BCR: variants seen among roughly 807,000 people sequenced by gnomAD.
BCR encodes the protein breakpoint cluster region protein.
BCR carries 58 observed loss-of-function variants against 138.6 expected under a neutral mutation model. The ratio of observed to expected loss-of-function variants is 0.42; its 90% CI spans 0.34 to 0.52. The LOEUF (loss-of-function observed/expected upper bound fraction) is 0.52. BCR is among the 20% of genes least tolerant of loss of function. The pLI, the probability that BCR is intolerant of heterozygous loss-of-function variation, is 0.06. For missense variants in BCR, 1,599 were observed against 1,727.2 expected, an observed-to-expected ratio of 0.93 and a Z score of 1.32; for synonymous variants, 786 against 730.1, an observed-to-expected ratio of 1.08 and a Z score of -1.23.
intron 2 of BCR, chr22:23,260,749 C>G: frequency 1.8e-6 from 1 of 559,508 alleles, no homozygotes; most frequent in South Asian, 1.9e-5. Flanking sequence ...TGACCCCCCT[C>G]CCCGGGATTC....
chr22:23,221,065 C>T (rs1265141207), intron 1 of BCR, among the ~76,000 whole-genome samples: 2 of 152,184 alleles, frequency 1.3e-5, no homozygotes, highest in Non-Finnish European at 2.9e-5. Context: ...CTCACAGTAC[C>T]TTCTGATTAC....
At chr22:23,263,385 A>G in intron 4 of BCR, 1 of 1,254,690 alleles carries the variant, frequency 8.0e-7, no homozygotes, top group East Asian at 2.3e-5. Context: ...GCTCGGCACC[A>G]ACCTGATGAC....
At chr22:23,266,153 T>C (rs1372462019) in intron 4 of BCR, among the ~76,000 whole-genome samples, 1 of 152,184 alleles carries the variant, frequency 6.6e-6, no homozygotes, top group Non-Finnish European at 1.5e-5. Flanking sequence ...GGTGCAGTCT[T>C]GTCTCACTGC....
intron 1 of BCR, among the ~76,000 whole-genome samples, chr22:23,210,176 G>C (rs1437233146): frequency 3.3e-5 from 5 of 152,094 alleles, no homozygotes; most frequent in Non-Finnish European, 4.4e-5. Context: ...GTATTACCGG[G>C]AGGCTGAGGC....
chr22:23,315,351 G>A lies in BCR; in HGVS notation c.3727-82G>A, dbSNP rs555364844. On this transcript the variant is annotated intron_variant, in intron 22 of 22. Coordinates refer to ENST00000305877, the MANE Select transcript of BCR (RefSeq NM_004327.4). ...CCCCAGCACCTGAGATGGACTTGGA[G>A]GCTTGGGCCCCAAAGACCTCCCACC... 2.3e-4 allele frequency: 298 copies of A among 1,310,642 alleles called. 1 individual carries two copies. Among genetic ancestry groups the A allele is most frequent in the Admixed American group, 1.6e-3 (91 of 58,590 alleles). The allele number at this position is 1,310,642 out of a possible 1,614,324, so 81.2% of individuals were successfully genotyped here.
At chr22:23,248,724 TGGTTCCTGGTTCAGGTGAGCA>T (rs2073185723) in intron 1 of BCR, among the ~76,000 whole-genome samples, 2 of 152,172 alleles carry the variant, frequency 1.3e-5, no homozygotes. Context: ...ACTCCTAGTC[TGGTTCCTGGTTCAGGTGAGCA>T]GCAGCCAGAT....
chr22:23,258,377 G>A (rs570204461), intron 2 of BCR, among the ~76,000 whole-genome samples: 6 of 152,316 alleles, frequency 3.9e-5, no homozygotes, highest in Admixed American at 3.3e-4. Context: ...GCTCAGGGCC[G>A]GAGGGCATTT....
At chr22:23,224,657 G>A (rs1471288285) in intron 1 of BCR, among the ~76,000 whole-genome samples, 5 of 152,244 alleles carry the variant, frequency 3.3e-5, no homozygotes, top group Non-Finnish European at 7.4e-5. Context: ...CAAGGTGGGC[G>A]GATCACTTGA....
intron 8 of BCR, among the ~76,000 whole-genome samples, chr22:23,281,432 A>C (rs2073643615): frequency 6.6e-6 from 1 of 152,224 alleles, no homozygotes; most frequent in Non-Finnish European, 1.5e-5. Flanking sequence ...GCTGATCTCA[A>C]GGCCAACTGT....
chr22:23,302,076 C>T (rs544783346), intron 16 of BCR, among the ~76,000 whole-genome samples: 61 of 152,164 alleles, frequency 4.0e-4, no homozygotes, highest in Admixed American at 1.4e-3. Context: ...TTTCTAGAGC[C>T]CCCCCACCGC....
At position 23,247,618 on chromosome 22, in the gene BCR, A is replaced by C. The variant is rs185275454; in HGVS notation, c.1280-6181A>C. ...GGAACCCCACACCTCTGGCAGCCAC[A>C]CCACGGATGGAGGATCTGGGGTCTC... On this transcript the variant is annotated intron_variant, in intron 1 of 22. Transcript: ENST00000305877. 1.3e-3 allele frequency among the ~76,000 whole-genome samples: 193 copies of C among 152,222 alleles called. 2 individuals carry two copies. Among genetic ancestry groups the C allele is most frequent in the Middle Eastern group, 6.8e-3 (2 of 294 alleles).
intron 1 of BCR, among the ~76,000 whole-genome samples, chr22:23,197,237 A>G (rs563636370): frequency 6.6e-6 from 1 of 152,338 alleles, no homozygotes; most frequent in Non-Finnish European, 1.5e-5. Context: ...TTTGTAGCCT[A>G]GGAGCAATAG....
In BCR at chr22:23,292,611, G is replaced by A. The variant is rs2073800978; in HGVS notation, c.2853G>A (p.Arg951=). 1.2e-6 allele frequency: 2 copies of A among 1,612,692 alleles called. No individual in the cohort carries two copies. The highest frequency in any genetic ancestry group is 1.7e-6 in the Non-Finnish European group (2 of 1,179,254). ...ATAAAGCAAAGACGCGCGTCTACAG[G>A]GACACAGCTGAGCCAAACTGGAACG... ...FVNKAKTRVY[R]DTAEPNWNEE... The change falls in exon 15 of 23, where the codon AGG becomes AGA. Residue 951 remains arginine, a synonymous_variant. Transcript: ENST00000305877.
chr22:23,248,356 A>G (rs1389142857), intron 1 of BCR, among the ~76,000 whole-genome samples: 1 of 152,078 alleles, frequency 6.6e-6, no homozygotes, highest in African/African-American at 2.4e-5. Context: ...CTCAAAAAAA[A>G]AAAAAAATCA....
rs1187005049 is a variant in BCR at position 23,253,860 on chromosome 22, C to T, written c.1341C>T (p.Arg447=). ...CTGCAGACCGGGCAGAGGAGCAGCG[C>T]CGGCACCAAGATGGGCTGCCCTACA... ...GCAADRAEEQ[R]RHQDGLPYID... is the part of the protein sequence containing the mutation. Residue 447 remains arginine, a synonymous_variant, in exon 2 of 23, where the codon CGC becomes CGT. Transcript: ENST00000305877. 6.2e-7 allele frequency: 1 copy of T among 1,613,166 alleles called. No homozygotes were observed. Among genetic ancestry groups the T allele is most frequent in the Non-Finnish European group, 8.5e-7 (1 of 1,179,996 alleles).
At chr22:23,194,734 A>G (rs1461399500) in intron 1 of BCR, among the ~76,000 whole-genome samples, 1 of 151,862 alleles carries the variant, frequency 6.6e-6, no homozygotes, top group Admixed American at 6.6e-5. Flanking sequence ...TATTCCCAGG[A>G]ATTTGAGATC....
Position 23,280,720 on chromosome 22 carries a change from G to A in BCR, c.2116-3257G>A, listed in dbSNP as rs539327937. 6.4e-3 allele frequency among the ~76,000 whole-genome samples: 967 copies of A among 152,276 alleles called. 10 individuals are homozygous for A. The highest frequency in any genetic ancestry group is 0.021 in the African/African-American group (867 of 41,544). On this transcript the variant is annotated intron_variant, in intron 8 of 22. Coordinates refer to ENST00000305877, the MANE Select transcript of BCR (RefSeq NM_004327.4). ...TGTCCTGGCCACCCTTGCTTTCTGC[G>A]GGCTCCTGTGGGGATGATGATTTTA...
intron 1 of BCR, among the ~76,000 whole-genome samples, chr22:23,196,753 A>T (rs1390095380): frequency 2.0e-5 from 3 of 152,182 alleles, no homozygotes; most frequent in Non-Finnish European, 4.4e-5. Context: ...TTCTGCTCCT[A>T]TGAGAATCTA....
chr22:23,228,522 G>A (rs931388532), intron 1 of BCR, among the ~76,000 whole-genome samples: 6 of 152,156 alleles, frequency 3.9e-5, no homozygotes, highest in African/African-American at 1.4e-4. Flanking sequence ...CTACCTTATA[G>A]TTCTGGCCAG....
Sources: gnomAD v4.1 joint callset for allele counts (sites outside exome capture counted in the v4.1 genomes callset) on GRCh38, gnomAD v4.1.1 for gene constraint, MANE v1.5 for transcripts, NCBI Gene and HGNC (gene_info 2026-07-23, HGNC 2026-07-21) for gene names.